Variants in WDR3 observed in about 807,000 individuals in gnomAD.
WDR3 encodes WD repeat domain 3, also known as WD repeat-containing protein 3.
In WDR3, 81 loss-of-function variants were observed where a neutral mutation model predicts 123.7. The observed-to-expected ratio is 0.65, with a 90% CI of 0.55 to 0.79. The LOEUF is 0.79. Ranked by LOEUF, WDR3 falls within the 30% of genes least tolerant of loss-of-function variation. WDR3 has a pLI of 0.00. For synonymous variants in WDR3, 390 were observed against 388.8 expected, an observed-to-expected ratio of 1.00 and a Z score of -0.04; for missense variants, 1,027 against 1,123.2, an observed-to-expected ratio of 0.91 and a Z score of 1.22.
At chr1:117,943,731 A>C (rs1433520611) in intron 11 of WDR3, 105 bp downstream of exon 11, 4 of 1,016,544 alleles carry the variant, frequency 3.9e-6, no homozygotes, top group Non-Finnish European at 5.6e-6. Flanking sequence ...CCTAAATACA[A>C]TTATCTTTAG....
intron 3 of WDR3, among the ~76,000 whole-genome samples, chr1:117,936,131 A>C (rs1448245293): frequency 1.3e-5 from 2 of 152,088 alleles, no homozygotes; most frequent in Non-Finnish European, 2.9e-5. Flanking sequence ...CTAATAATAG[A>C]GTTAAATGAA....
rs1288203121 is a variant in WDR3, at chr1:117,965,979, T to G, written c.*6532T>G. 1 of 152,218 alleles carries G rather than the reference T, an allele frequency of 6.6e-6. No homozygotes were observed. Among genetic ancestry groups the G allele is most frequent in the East Asian group, 1.9e-4 (1 of 5,202 alleles). The allele number at this position is 152,218 out of a possible 1,614,324, so 9.4% of individuals were successfully genotyped here. A position where few individuals can be genotyped will look rare whatever the true frequency, so the allele number is the denominator to read the frequency against. On this transcript the variant is annotated 3_prime_UTR_variant, in exon 27 of 27. Coordinates refer to ENST00000349139, the MANE Select transcript of WDR3 (RefSeq NM_006784.3). ...AGTTCCCGTCAATCAAGTTTTCACATTCTATAAGATCCAGCTCAAAAATCA... is the reference window on the plus strand; with the variant it reads ...AGTTCCCGTCAATCAAGTTTTCACAGTCTATAAGATCCAGCTCAAAAATCA...
chr1:117,934,710 G>T, intron 3 of WDR3, 28 bp downstream of exon 3: 1 of 1,610,610 alleles, frequency 6.2e-7, no homozygotes, highest in South Asian at 1.1e-5. Flanking sequence ...CCCAGGCTTT[G>T]ATCTATTAAA....
intron 24 of WDR3, among the ~76,000 whole-genome samples, chr1:117,955,605 T>G (rs992639526): frequency 1.3e-5 from 2 of 152,168 alleles, no homozygotes; most frequent in African/African-American, 4.8e-5. Context: ...TTGTAGGCGA[T>G]GAAATAATAT....
rs1652681953 is a variant in WDR3 at position 117,959,278 on chromosome 1, G to A, written c.2677-14G>A. 1 of 1,605,142 alleles carries A rather than the reference G, an allele frequency of 6.2e-7. No homozygotes were observed. The highest frequency in any genetic ancestry group is 8.5e-7 in the Non-Finnish European group (1 of 1,176,970). On this transcript the variant is annotated splice_polypyrimidine_tract_variant and intron_variant, in intron 26 of 26. Transcript: ENST00000349139. The stretch of plus-strand genomic sequence containing the variant: ...GGGAGAAAATTTTTTAATATTTCTT[G>A]TATTGCACTCCAGGATGTTATCGGC...
At chr1:117,955,753 T>C (rs758457854) in intron 24 of WDR3, among the ~76,000 whole-genome samples, 8 of 151,552 alleles carry the variant, frequency 5.3e-5, no homozygotes, top group Non-Finnish European at 1.2e-4. Flanking sequence ...TGTTTGTTGT[T>C]CATATTCTTC....
chr1:117,952,425 T>C lies in WDR3; in HGVS notation c.2016+17T>C. The C allele has an allele frequency of 6.2e-7, 1 of 1,606,830 alleles. No homozygotes were observed. Among genetic ancestry groups the C allele is most frequent in the African/African-American group, 1.3e-5 (1 of 74,714 alleles). On this transcript the variant is annotated intron_variant, in intron 18 of 26. Coordinates refer to ENST00000349139, the MANE Select transcript of WDR3 (RefSeq NM_006784.3). ...ACTCTGGAGGTAACCACATGCCTTC[T>C]GTGCTTGCTTGGTACTTAAGAAATA...
chr1:117,954,732 AC>A (rs1557826469), intron 23 of WDR3, 105 bp downstream of exon 23: 1 of 1,172,590 alleles, frequency 8.5e-7, no homozygotes, highest in Non-Finnish European at 1.2e-6. Context: ...TATTGGGAAT[AC>A]TTTGTCTTCA....
In WDR3 at chr1:117,936,861, A is replaced by G. The variant is rs1650960059; in HGVS notation, c.474A>G (p.Leu158=). ...HKDAITQALF[L]REKNLLVTSG... ...ATGCCATCACACAAGCATTGTTTCT[A>G]CGAGAAAAGAACCTGCTAGTTACTA... Residue 158 remains leucine (L), a synonymous_variant, in exon 4 of 27, where the codon CTA becomes CTG. Transcript: ENST00000349139. 6.2e-7 allele frequency: 1 copy of G among 1,613,056 alleles called. No homozygotes were observed. The highest frequency in any genetic ancestry group is 1.1e-5 in the South Asian group (1 of 91,000).
At chr1:117,932,938 T>TA (rs1445303336) in intron 1 of WDR3, among the ~76,000 whole-genome samples, 3 of 151,382 alleles carry the variant, frequency 2.0e-5, no homozygotes, top group African/African-American at 4.9e-5. Context: ...CTAACACCTG[T>TA]AATCCCAGCA....
intron 21 of WDR3, 73 bp from the exon 22 acceptor site, chr1:117,953,934 G>A: frequency 7.6e-7 from 1 of 1,320,078 alleles, no homozygotes; most frequent in Non-Finnish European, 1.1e-6. Flanking sequence ...TTTCTGGTCA[G>A]TTCTTCCAGT....
intron 26 of WDR3, 52 bp from the exon 27 acceptor site, chr1:117,959,239 TA>T (rs1652675624): frequency 1.9e-6 from 3 of 1,580,712 alleles, no homozygotes; most frequent in African/African-American, 1.4e-5. Context: ...TACGCTGCTA[TA>T]ATGAATTGAA....
At chr1:117,950,230 A>T in intron 15 of WDR3, 100 bp downstream of exon 15, 1 of 1,369,166 alleles carries the variant, frequency 7.3e-7, no homozygotes, top group Non-Finnish European at 1.0e-6. Flanking sequence ...GTGCCCAGCG[A>T]TAGTACATTT....
At chr1:117,935,922 C>G (rs1178232734) in intron 3 of WDR3, among the ~76,000 whole-genome samples, 1 of 151,562 alleles carries the variant, frequency 6.6e-6, no homozygotes, top group Non-Finnish European at 1.5e-5. Context: ...AACTTACAGT[C>G]AAATAAGAGA....
intron 15 of WDR3, 150 bp downstream of exon 15, chr1:117,950,280 TAGGGA>T: frequency 1.1e-5 from 11 of 993,724 alleles, no homozygotes; most frequent in Non-Finnish European, 1.6e-5. Context: ...GTAACTATGC[TAGGGA>T]AGCTAGCATT....
Position 117,959,536 on chromosome 1 carries a change from A to G in WDR3, c.*89A>G, listed in dbSNP as rs760451509. ...CAGAAGAGTTGGCGTCATCTTAAAAATACCAAATAACAGAAGATCGCATTG... is the reference window on the plus strand; with the variant it reads ...CAGAAGAGTTGGCGTCATCTTAAAAGTACCAAATAACAGAAGATCGCATTG... On this transcript the variant is annotated 3_prime_UTR_variant, in exon 27 of 27. Coordinates refer to ENST00000349139, the MANE Select transcript of WDR3 (RefSeq NM_006784.3). The G allele has an allele frequency of 1.5e-6, 2 of 1,341,572 alleles. No homozygotes were observed. The highest frequency in any genetic ancestry group is 2.0e-6 in the Non-Finnish European group (2 of 1,012,788). 83.1% of individuals were successfully genotyped at this position (1,341,572 alleles called of 1,614,324 possible).
intron 12 of WDR3, among the ~76,000 whole-genome samples, chr1:117,946,522 G>A (rs1651387365): frequency 1.3e-5 from 2 of 152,026 alleles, no homozygotes; most frequent in South Asian, 4.1e-4. Context: ...TATCATGCTT[G>A]GCAGACAGAA....
chr1:117,965,236 G>A lies in WDR3; in HGVS notation c.*5789G>A, dbSNP rs1434128473. On this transcript the variant is annotated 3_prime_UTR_variant, in exon 27 of 27. Transcript: ENST00000349139. The stretch of plus-strand genomic sequence containing the variant: ...CATCTCAATAGCATCCGTCAATTGT[G>A]TCCGTCTTTTCCTTGAAATTCTTCC... The A allele has an allele frequency of 6.6e-6, 1 of 152,084 alleles. No individual in the cohort carries two copies. The highest frequency in any genetic ancestry group is 2.1e-4 in the South Asian group (1 of 4,824). The allele number at this position is 152,084 out of a possible 1,614,324, so 9.4% of individuals were successfully genotyped here.
At chr1:117,946,895 A>C (rs1186702838) in intron 12 of WDR3, among the ~76,000 whole-genome samples, 13 of 145,222 alleles carry the variant, frequency 9.0e-5, no homozygotes, top group African/African-American at 3.3e-4. Context: ...GAGCCGAGAT[A>C]GTACCACTGC....
Sources: gnomAD v4.1 joint callset for allele counts (sites outside exome capture counted in the v4.1 genomes callset) on GRCh38, gnomAD v4.1.1 for gene constraint, MANE v1.5 for transcripts, NCBI Gene and HGNC (gene_info 2026-07-23, HGNC 2026-07-21) for gene names.